CTNND2: variants seen among roughly 807,000 people sequenced by gnomAD.
The protein encoded by CTNND2 is catenin delta-2.
In CTNND2, 22 loss-of-function variants were observed where a neutral mutation model predicts 144.4. That is an observed-to-expected ratio of 0.15 (90% confidence interval 0.11 to 0.22). The LOEUF is 0.22. Among genes scored for constraint, CTNND2 ranks in the 10% least tolerant of loss-of-function variants. The pLI, the probability that CTNND2 is intolerant of heterozygous loss-of-function variation, is 1.00. For synonymous variants in CTNND2, 751 were observed against 695.6 expected, an observed-to-expected ratio of 1.08 and a Z score of -1.25; for missense variants, 1,353 against 1,618.8, an observed-to-expected ratio of 0.84 and a Z score of 2.82.
intron 3 of CTNND2, among the ~76,000 whole-genome samples, chr5:11,534,153 T>C (rs1341573895): frequency 2.0e-5 from 3 of 152,194 alleles, no homozygotes; most frequent in Non-Finnish European, 2.9e-5. Flanking sequence ...TTTTCACTTT[T>C]CTTAATTTGA....
At chr5:11,343,062 G>C (rs1202224169) in intron 9 of CTNND2, among the ~76,000 whole-genome samples, 1 of 152,152 alleles carries the variant, frequency 6.6e-6, no homozygotes, top group East Asian at 1.9e-4. Context: ...AATTGGATAA[G>C]ACATTTCTGT....
chr5:11,817,817 T>TATA (rs1793075554), intron 1 of CTNND2, among the ~76,000 whole-genome samples: 1 of 152,020 alleles, frequency 6.6e-6, no homozygotes, highest in African/African-American at 2.4e-5. Flanking sequence ...AGCATATTTT[T>TATA]AACACTTAAG....
At chr5:11,820,770 CT>C (rs1018202670) in intron 1 of CTNND2, among the ~76,000 whole-genome samples, 7 of 152,152 alleles carry the variant, frequency 4.6e-5, no homozygotes, top group African/African-American at 1.7e-4. Context: ...GTTGAGTAAA[CT>C]CTTTGAAACT....
intron 1 of CTNND2, among the ~76,000 whole-genome samples, chr5:11,826,151 TAAC>T (rs952139722): frequency 1.2e-4 from 19 of 152,008 alleles, no homozygotes; most frequent in Admixed American, 6.5e-5. Flanking sequence ...GCAAAAATAA[TAAC>T]TATTATTGTG....
intron 6 of CTNND2, among the ~76,000 whole-genome samples, chr5:11,392,032 A>G (rs1235591497): frequency 6.6e-6 from 1 of 152,206 alleles, no homozygotes; most frequent in African/African-American, 2.4e-5. Flanking sequence ...CTCTCTGCCC[A>G]ATGGTCCCAA....
rs558123735 is a variant in CTNND2, at chr5:11,157,215, A to T, written c.2159+2361T>A. Among the ~76,000 whole-genome samples, 19 of 152,334 alleles carry T rather than the reference A, an allele frequency of 1.2e-4. No homozygotes were observed. In the South Asian group the frequency reaches 3.7e-3, roughly 30 times the overall value. ...AATAACACTTACTTTAATTTTATTT[A>T]AAAATCTAATCTCTATTGATGGTGC... On this transcript the variant is annotated intron_variant, in intron 12 of 21. Coordinates refer to ENST00000304623, the MANE Select transcript of CTNND2 (RefSeq NM_001332.4).
Position 10,973,260 on chromosome 5 carries a change from T to C in CTNND2, c.*193A>G, listed in dbSNP as rs1736022185. The C allele has an allele frequency of 3.4e-6, 2 of 588,640 alleles. No individual in the cohort carries two copies. Among genetic ancestry groups the C allele is most frequent in the East Asian group, 6.2e-5 (2 of 32,396 alleles). The allele number at this position is 588,640 out of a possible 1,614,324, so 36.5% of individuals were successfully genotyped here. A position where few individuals can be genotyped will look rare whatever the true frequency, so the allele number is the denominator to read the frequency against. On this transcript the variant is annotated 3_prime_UTR_variant, in exon 22 of 22. Transcript: ENST00000304623. This position sits in a 1 kb window ranked among gnomAD's most constrained non-coding sequence, Gnocchi z 5.6. Reference sequence around the variant, plus strand: ...ATTTAGGATCACTTTAGCTTTCTACTGATTTCCAAGTTAACTTGCGATTCA... The same window carrying C: ...ATTTAGGATCACTTTAGCTTTCTACCGATTTCCAAGTTAACTTGCGATTCA...
At chr5:11,752,151 C>T (rs766656451) in intron 1 of CTNND2, among the ~76,000 whole-genome samples, 11 of 151,718 alleles carry the variant, frequency 7.3e-5, no homozygotes, top group Non-Finnish European at 1.2e-4. Context: ...CCATTCTGTA[C>T]GCCGTCTGTT....
intron 11 of CTNND2, among the ~76,000 whole-genome samples, chr5:11,176,865 G>T (rs1337884791): frequency 6.6e-6 from 1 of 152,054 alleles, no homozygotes; most frequent in East Asian, 1.9e-4. Flanking sequence ...CCTGCAGGAG[G>T]GATTCATGGC....
At chr5:11,160,791 C>T (rs190872076) in intron 11 of CTNND2, among the ~76,000 whole-genome samples, 30 of 152,258 alleles carry the variant, frequency 2.0e-4, no homozygotes, top group Middle Eastern at 3.4e-3. Context: ...CGATTTTGTT[C>T]CATCTACTGT....
intron 2 of CTNND2, among the ~76,000 whole-genome samples, chr5:11,675,591 A>C (rs1042911540): frequency 6.6e-6 from 1 of 152,056 alleles, no homozygotes; most frequent in Non-Finnish European, 1.5e-5. Flanking sequence ...TTTTGCGTTC[A>C]CCAGTCCTTA....
intron 17 of CTNND2, among the ~76,000 whole-genome samples, chr5:11,019,233 CAG>C (rs147777391): frequency 0.23 from 34,562 of 152,114 alleles, 4,187 homozygotes; most frequent in South Asian, 0.31. Context: ...GACTTAAAGA[CAG>C]AGAATTTTAG....
chr5:11,655,867 T>C (rs1211105595), intron 2 of CTNND2, among the ~76,000 whole-genome samples: 1 of 152,056 alleles, frequency 6.6e-6, no homozygotes, highest in East Asian at 1.9e-4. Context: ...TTTCCCAAGT[T>C]GCTACTTTTT....
At chr5:11,004,757 A>G (rs1435619207) in intron 18 of CTNND2, among the ~76,000 whole-genome samples, 1 of 147,308 alleles carries the variant, frequency 6.8e-6, no homozygotes, top group Non-Finnish European at 1.5e-5. Context: ...AACAAGAGTG[A>G]AACTCCTTCT....
intron 9 of CTNND2, among the ~76,000 whole-genome samples, chr5:11,278,382 G>A (rs1746772378): frequency 6.6e-6 from 1 of 152,164 alleles, no homozygotes; most frequent in Non-Finnish European, 1.5e-5. Flanking sequence ...TTATGTGCCA[G>A]ACACTGGAAA....
intron 3 of CTNND2, among the ~76,000 whole-genome samples, chr5:11,541,485 A>G (rs762396777): frequency 2.0e-5 from 3 of 152,118 alleles, no homozygotes; most frequent in Non-Finnish European, 4.4e-5. Context: ...ATAAAAGGAC[A>G]TAGGAGGAGA....
At chr5:11,891,793 T>C (rs1193630416) in intron 1 of CTNND2, among the ~76,000 whole-genome samples, 2 of 152,204 alleles carry the variant, frequency 1.3e-5, no homozygotes, top group Non-Finnish European at 2.9e-5. Flanking sequence ...GAGCCAACTA[T>C]GACAGTCTTG....
intron 3 of CTNND2, among the ~76,000 whole-genome samples, chr5:11,474,207 T>TC: frequency 1.3e-5 from 2 of 152,364 alleles, no homozygotes; most frequent in East Asian, 3.9e-4. Context: ...GATTAAAACT[T>TC]CAATTAATTA....
At chr5:11,443,225 A>G (rs200113725) in intron 3 of CTNND2, among the ~76,000 whole-genome samples, 914 of 51,762 alleles carry the variant, frequency 0.018, 9 homozygotes, top group African/African-American at 0.053. Flanking sequence ...TGTGGTGTGT[A>G]TGTGTGTGTG....
Sources: gnomAD v4.1 joint callset for allele counts (sites outside exome capture counted in the v4.1 genomes callset) on GRCh38, gnomAD v4.1.1 for gene constraint, Gnocchi (gnomAD v3.1) non-coding constraint, MANE v1.5 for transcripts, NCBI Gene and HGNC (gene_info 2026-07-23, HGNC 2026-07-21) for gene names.